The following ATP1B1 variants were observed in gnomAD, a reference collection of about 807,000 sequenced individuals.
ATP1B1 encodes ATPase Na+/K+ transporting subunit beta 1.
ATP1B1 carries 3 observed loss-of-function variants against 39.6 expected under a neutral mutation model. That is an observed-to-expected ratio of 0.08 (90% CI 0.03 to 0.20). The LOEUF (loss-of-function observed/expected upper bound fraction) is 0.20. Ranked by LOEUF, ATP1B1 falls within the 10% of genes least tolerant of loss-of-function variation. The pLI, the probability that ATP1B1 is intolerant of heterozygous loss-of-function variation, is 1.00. For synonymous variants in ATP1B1, 139 were observed against 135.0 expected (o/e 1.03, Z -0.20); for missense variants, 216 against 371.1 (o/e 0.58, Z 3.43).
At chr1:169,127,533 A>G in intron 4 of ATP1B1, 125 bp downstream of exon 4, 1 of 1,008,826 alleles carries the variant, frequency 9.9e-7, no homozygotes, top group Non-Finnish European at 1.4e-6. Flanking sequence ...CGTAGCCAGT[A>G]GAGTAACACC....
chr1:169,123,138 G>A (rs558929482), intron 2 of ATP1B1, among the ~76,000 whole-genome samples: 1 of 152,308 alleles, frequency 6.6e-6, no homozygotes, highest in African/African-American at 2.4e-5. Flanking sequence ...TACAAATGGT[G>A]CTGCACTCTA....
intron 2 of ATP1B1, among the ~76,000 whole-genome samples, 198 bp from the exon 3 acceptor site, chr1:169,124,686 C>A (rs1382718580): frequency 6.6e-6 from 1 of 152,198 alleles, no homozygotes; most frequent in Admixed American, 6.5e-5. Context: ...ATTAACTGAT[C>A]TGTGATATTA....
intron 2 of ATP1B1, among the ~76,000 whole-genome samples, chr1:169,113,405 C>T (rs921296683): frequency 2.4e-4 from 36 of 151,630 alleles, no homozygotes; most frequent in African/African-American, 7.5e-4. Flanking sequence ...AAGCCAAATA[C>T]GACTACAAAG....
chr1:169,110,515 C>T (rs1657703962), intron 1 of ATP1B1: 1 of 609,128 alleles, frequency 1.6e-6, no homozygotes, highest in African/African-American at 2.0e-5. Context: ...GGGAGATAAT[C>T]CTTGTAAACC....
intron 1 of ATP1B1, 85 bp downstream of exon 1, chr1:169,107,011 C>G (rs1354103199): frequency 7.8e-7 from 1 of 1,289,916 alleles, no homozygotes; most frequent in Non-Finnish European, 1.1e-6. Flanking sequence ...GCGGCCGGTT[C>G]CGCACCCACC....
At chr1:169,115,176 A>G (rs1435607515) in intron 2 of ATP1B1, among the ~76,000 whole-genome samples, 3 of 127,450 alleles carry the variant, frequency 2.4e-5, no homozygotes, top group African/African-American at 9.2e-5. Context: ...CAGAGCGAAG[A>G]CTCCATCTCA....
At chr1:169,115,103 T>G (rs1657813507) in intron 2 of ATP1B1, among the ~76,000 whole-genome samples, 2 of 146,910 alleles carry the variant, frequency 1.4e-5, no homozygotes, top group African/African-American at 5.1e-5. Flanking sequence ...GAGAATGGCG[T>G]GAACCCGGGA....
At chr1:169,111,231 T>G (rs1571219313) in intron 1 of ATP1B1, 139 bp from the exon 2 acceptor site, 1 of 1,158,124 alleles carries the variant, frequency 8.6e-7, no homozygotes. Flanking sequence ...TGGGGTGAGG[T>G]GCACTCTTGA....
At chr1:169,113,830 A>G (rs766394059) in intron 2 of ATP1B1, among the ~76,000 whole-genome samples, 10 of 152,306 alleles carry the variant, frequency 6.6e-5, no homozygotes, top group South Asian at 6.2e-4. Context: ...GTCACAGGAA[A>G]AGTCCTCAGT....
At chr1:169,109,453 ACT>A (rs3835440) in intron 1 of ATP1B1, among the ~76,000 whole-genome samples, 8,780 of 151,598 alleles carry the variant, frequency 0.058, 295 homozygotes, top group South Asian at 0.13. Flanking sequence ...TGAGTGCTCC[ACT>A]CTCTCCCAGT....
chr1:169,130,117 G>A (rs753888604), intron 5 of ATP1B1, 27 bp downstream of exon 5: 91 of 1,599,488 alleles, frequency 5.7e-5, no homozygotes, highest in Non-Finnish European at 7.0e-5. Context: ...GGTTACTGGG[G>A]TGGTGGAAGG....
chr1:169,110,395 G>A (rs983953311), intron 1 of ATP1B1, among the ~76,000 whole-genome samples: 10 of 152,056 alleles, frequency 6.6e-5, no homozygotes, highest in East Asian at 1.9e-4. Flanking sequence ...CTTCTGACTC[G>A]ATAACCTTAC....
intron 2 of ATP1B1, among the ~76,000 whole-genome samples, chr1:169,119,434 G>C (rs572500302): frequency 6.6e-6 from 1 of 152,166 alleles, no homozygotes; most frequent in South Asian, 2.1e-4. Context: ...TTGAAATTGC[G>C]TGCCAGCGAT....
intron 4 of ATP1B1, among the ~76,000 whole-genome samples, chr1:169,129,227 T>G (rs1051927345): frequency 3.3e-5 from 5 of 152,218 alleles, no homozygotes; most frequent in South Asian, 2.1e-4. Context: ...ATGTATGTGT[T>G]ACATCTCACA....
chr1:169,114,272 T>G (rs1325243143), intron 2 of ATP1B1, among the ~76,000 whole-genome samples: 1 of 151,474 alleles, frequency 6.6e-6, no homozygotes, highest in East Asian at 1.9e-4. Flanking sequence ...CCTGACAATT[T>G]TTTGGCTTCA....
At position 169,106,944 on chromosome 1, in the gene ATP1B1, A is replaced by C. The variant is rs999822367; in HGVS notation, c.97+18A>C. The C allele has an allele frequency of 1.3e-6, 2 of 1,566,146 alleles. No individual in the cohort carries two copies. The highest frequency in any genetic ancestry group is 1.7e-6 in the Non-Finnish European group (2 of 1,157,876). On this transcript the variant is annotated intron_variant, in intron 1 of 5. Coordinates refer to ENST00000367815, the MANE Select transcript of ATP1B1 (RefSeq NM_001677.4). Reference sequence around the variant, plus strand: ...CAGTTGGTGTAAGTACGGGGTCCGCAGCTCCCGGCCGCCGCGTCTGATCTT... The same window carrying C: ...CAGTTGGTGTAAGTACGGGGTCCGCCGCTCCCGGCCGCCGCGTCTGATCTT...
At chr1:169,115,208 A>T (rs1041615054) in intron 2 of ATP1B1, among the ~76,000 whole-genome samples, 1 of 123,824 alleles carries the variant, frequency 8.1e-6, no homozygotes, top group African/African-American at 2.5e-5. Flanking sequence ...AAGAAAAAAA[A>T]GGGGGGTGGG....
At position 169,131,672 on chromosome 1, in the gene ATP1B1, T is replaced by C; in HGVS notation, c.*117T>C. On this transcript the variant is annotated 3_prime_UTR_variant, in exon 6 of 6. Coordinates refer to ENST00000367815, the MANE Select transcript of ATP1B1 (RefSeq NM_001677.4). The surrounding 1 kb of genome is among the most constrained non-coding windows in gnomAD (Gnocchi z 4.4). ...GTATGGGACCTACACTTAATCTATA[T>C]GCTTTACACTAGCTTTCTGCATTTA... is the stretch of plus-strand genomic sequence containing the variant. 8.7e-7 allele frequency: 1 copy of C among 1,153,960 alleles called. No homozygotes were observed. The highest frequency in any genetic ancestry group is 1.6e-5 in the African/African-American group (1 of 64,048). 71.5% of individuals were successfully genotyped at this position (1,153,960 alleles called of 1,614,324 possible). A position where few individuals can be genotyped will look rare whatever the true frequency, so the allele number is the denominator to read the frequency against.
At chr1:169,122,228 T>C (rs3753292) in intron 2 of ATP1B1, among the ~76,000 whole-genome samples, 79,289 of 151,984 alleles carry the variant, frequency 0.52, 21,202 homozygotes, top group East Asian at 0.69. Context: ...CCATTCTCTC[T>C]TGACTCCAGG....
Sources: gnomAD v4.1 joint callset for allele counts (sites outside exome capture counted in the v4.1 genomes callset) on GRCh38, gnomAD v4.1.1 for gene constraint, Gnocchi (gnomAD v3.1) non-coding constraint, MANE v1.5 for transcripts, NCBI Gene and HGNC (gene_info 2026-07-23, HGNC 2026-07-21) for gene names.